Variants in EPHA6 observed in about 807,000 individuals in gnomAD.
EPHA6 encodes the protein EPH receptor A6, also known as ephrin type-A receptor 6.
In EPHA6, 50 loss-of-function variants were observed where a neutral mutation model predicts 112.0. The ratio of observed to expected loss-of-function variants is 0.45; its 90% confidence interval spans 0.36 to 0.56. The LOEUF is 0.56. Ranked by LOEUF, EPHA6 falls within the 20% of genes least tolerant of loss-of-function variation. The pLI is 0.00. For synonymous variants in EPHA6, 529 were observed against 490.7 expected (o/e 1.08, Z -1.03); for missense variants, 1,280 against 1,417.4 (o/e 0.90, Z 1.56).
intron 1 of EPHA6, among the ~76,000 whole-genome samples, chr3:96,857,355 T>A (rs1201945921): frequency 6.6e-6 from 1 of 152,188 alleles, no homozygotes; most frequent in Non-Finnish European, 1.5e-5. Flanking sequence ...AAAGCTTCCA[T>A]CTGTCATTCT....
At chr3:97,548,220 T>A (rs2107700525) in intron 11 of EPHA6, among the ~76,000 whole-genome samples, 1 of 152,226 alleles carries the variant, frequency 6.6e-6, no homozygotes, top group Middle Eastern at 3.4e-3. Context: ...CCTGGGTGTG[T>A]CTTGTTTTCT....
chr3:96,833,476 T>C (rs1475208254), intron 1 of EPHA6, among the ~76,000 whole-genome samples: 2 of 151,986 alleles, frequency 1.3e-5, no homozygotes, highest in African/African-American at 4.8e-5. Context: ...CAGTTTGTGG[T>C]ACTTTGCCAT....
intron 2 of EPHA6, among the ~76,000 whole-genome samples, chr3:96,959,285 T>C (rs2041875579): frequency 6.6e-6 from 1 of 152,240 alleles, no homozygotes; most frequent in African/African-American, 2.4e-5. Context: ...TTCATATGTT[T>C]ATTAGCCATT....
At chr3:97,628,773 TTAA>T (rs1288886911) in intron 13 of EPHA6, among the ~76,000 whole-genome samples, 4 of 152,042 alleles carry the variant, frequency 2.6e-5, no homozygotes, top group Non-Finnish European at 5.9e-5. Context: ...TAGTTATTTA[TTAA>T]TAATGAGAGC....
intron 3 of EPHA6, among the ~76,000 whole-genome samples, chr3:97,062,377 A>G (rs1413079779): frequency 6.6e-6 from 1 of 152,156 alleles, no homozygotes; most frequent in Non-Finnish European, 1.5e-5. Flanking sequence ...CACCACCCCT[A>G]AGGCTGAGAT....
At chr3:96,838,074 G>A (rs889755626) in intron 1 of EPHA6, among the ~76,000 whole-genome samples, 3 of 151,032 alleles carry the variant, frequency 2.0e-5, no homozygotes, top group South Asian at 2.1e-4. Flanking sequence ...GTTGTTCTGC[G>A]CCCCCCTGCC....
intron 3 of EPHA6, among the ~76,000 whole-genome samples, chr3:97,220,015 G>A (rs114234165): frequency 1.3e-5 from 2 of 152,122 alleles, no homozygotes; most frequent in Non-Finnish European, 2.9e-5. Flanking sequence ...TGAGTTCAAG[G>A]TTCCACAGAT....
intron 14 of EPHA6, among the ~76,000 whole-genome samples, chr3:97,708,650 A>G (rs865817707): frequency 6.6e-6 from 1 of 152,218 alleles, no homozygotes; most frequent in South Asian, 2.1e-4. Context: ...TCTCCAGGGC[A>G]TTTCAGAGAT....
chr3:97,144,198 C>T (rs2075981714), intron 3 of EPHA6, among the ~76,000 whole-genome samples: 1 of 151,606 alleles, frequency 6.6e-6, no homozygotes, highest in South Asian at 2.1e-4. Context: ...TTTTTGTCAG[C>T]AGGGTTAGTA....
chr3:97,168,440 T>C (rs1193539894), intron 3 of EPHA6, among the ~76,000 whole-genome samples: 1 of 152,072 alleles, frequency 6.6e-6, no homozygotes, highest in Non-Finnish European at 1.5e-5. Flanking sequence ...CATGATAGAG[T>C]TCTCAGGAGA....
chr3:97,533,791 A>G (rs2107652737), intron 11 of EPHA6, among the ~76,000 whole-genome samples: 1 of 152,178 alleles, frequency 6.6e-6, no homozygotes, highest in Admixed American at 6.6e-5. Flanking sequence ...CAAAGAAGAG[A>G]ACTGAGGTGA....
chr3:96,871,649 CATT>C (rs1489996115), intron 2 of EPHA6, among the ~76,000 whole-genome samples: 1 of 151,822 alleles, frequency 6.6e-6, no homozygotes, highest in African/African-American at 2.4e-5. Context: ...TTTCACCGCA[CATT>C]ATGTGAAAAA....
chr3:97,016,094 C>CCCAAAGTGG (rs1168280565), intron 3 of EPHA6, among the ~76,000 whole-genome samples: 1 of 150,822 alleles, frequency 6.6e-6, no homozygotes, highest in Non-Finnish European at 1.5e-5. Flanking sequence ...AAAAGAAAAT[C>CCCAAAGTGG]CCAAAGTGGT....
At chr3:97,571,529 T>C (rs2107226229) in intron 11 of EPHA6, among the ~76,000 whole-genome samples, 1 of 152,136 alleles carries the variant, frequency 6.6e-6, no homozygotes, top group South Asian at 2.1e-4. Context: ...CTCAGTGACC[T>C]GGTTGCTGCA....
chr3:96,994,865 G>GAT (rs2043362727), intron 3 of EPHA6, among the ~76,000 whole-genome samples: 1 of 146,576 alleles, frequency 6.8e-6, no homozygotes, highest in African/African-American at 2.6e-5. Context: ...AGGTATTATT[G>GAT]CTATATATAT....
chr3:97,227,150 T>A (rs190269745), intron 4 of EPHA6, among the ~76,000 whole-genome samples: 2 of 152,114 alleles, frequency 1.3e-5, no homozygotes, highest in Admixed American at 1.3e-4. Context: ...AGATTTTTTT[T>A]AAAGTTTTGT....
At chr3:97,699,382 A>G (rs1028614146) in intron 14 of EPHA6, among the ~76,000 whole-genome samples, 1 of 152,248 alleles carries the variant, frequency 6.6e-6, no homozygotes, top group Non-Finnish European at 1.5e-5. Flanking sequence ...TGAGCACAAC[A>G]CTGTTGCAAG....
intron 15 of EPHA6, among the ~76,000 whole-genome samples, chr3:97,733,152 T>A (rs1255505129): frequency 6.6e-6 from 1 of 151,998 alleles, no homozygotes; most frequent in Non-Finnish European, 1.5e-5. Context: ...TGCTAAGCAT[T>A]CTAGATTTGG....
At chr3:96,900,597 A>C (rs1250712687) in intron 2 of EPHA6, among the ~76,000 whole-genome samples, 1 of 152,222 alleles carries the variant, frequency 6.6e-6, no homozygotes, top group African/African-American at 2.4e-5. Flanking sequence ...AGGAACAGAG[A>C]ATACGGCTGT....
Sources: allele counts gnomAD v4.1 joint callset (sites outside exome capture counted in the v4.1 genomes callset), GRCh38; gene constraint gnomAD v4.1.1; transcripts MANE v1.5; gene names NCBI Gene and HGNC (gene_info 2026-07-23, HGNC 2026-07-21).